Variants in DNER observed in about 807,000 individuals in gnomAD.
DNER encodes the protein delta and Notch-like epidermal growth factor-related receptor.
Under a neutral mutation model 78.2 loss-of-function variants are expected in DNER, and 33 were observed. The observed-to-expected ratio is 0.42, with a 90% confidence interval of 0.32 to 0.56. The LOEUF (loss-of-function observed/expected upper bound fraction) is 0.56, where lower values mean the gene tolerates loss of function less well. Among genes scored for constraint, DNER ranks in the 20% least tolerant of loss-of-function variants. The probability of loss-of-function intolerance (pLI) is 0.11; values close to 1 mark genes in which losing one functional copy is unlikely to be tolerated. For synonymous variants in DNER, 417 were observed against 384.8 expected (o/e 1.08, Z -0.98); for missense variants, 918 against 975.3 (o/e 0.94, Z 0.78).
At chr2:229,424,090 C>T (rs948135636) in intron 8 of DNER, among the ~76,000 whole-genome samples, 3 of 152,178 alleles carry the variant, frequency 2.0e-5, no homozygotes, top group Non-Finnish European at 4.4e-5. Flanking sequence ...TGATTCGATG[C>T]ACTTTTAAAA....
chr2:229,417,196 G>A (rs1409251267), intron 9 of DNER, among the ~76,000 whole-genome samples: 1 of 152,162 alleles, frequency 6.6e-6, no homozygotes, highest in Non-Finnish European at 1.5e-5. Context: ...ACAAGGCCAT[G>A]AGACTTGCCA....
intron 3 of DNER, 135 bp downstream of exon 3, chr2:229,588,259 G>A (rs1363474288): frequency 4.7e-5 from 34 of 721,588 alleles, no homozygotes; most frequent in Non-Finnish European, 1.4e-5. Flanking sequence ...AATGGCAGGG[G>A]CCACATCTAC....
At chr2:229,570,545 T>G (rs554637200) in intron 4 of DNER, among the ~76,000 whole-genome samples, 1 of 151,502 alleles carries the variant, frequency 6.6e-6, no homozygotes, top group African/African-American at 2.4e-5. Flanking sequence ...GAGAATCCTT[T>G]GAACCTGGGA....
intron 5 of DNER, among the ~76,000 whole-genome samples, chr2:229,516,275 A>T (rs1171644322): frequency 6.6e-6 from 1 of 152,198 alleles, no homozygotes; most frequent in Non-Finnish European, 1.5e-5. Context: ...TAGTTTTAAG[A>T]CTGCTGACTT....
At chr2:229,393,421 G>T (rs151021576) in intron 10 of DNER, among the ~76,000 whole-genome samples, 1 of 150,914 alleles carries the variant, frequency 6.6e-6, no homozygotes, top group South Asian at 2.1e-4. Context: ...GTGAGACTCC[G>T]TCTCAAAAAA....
chr2:229,483,175 T>TA (rs1433997259), intron 6 of DNER, among the ~76,000 whole-genome samples: 1 of 152,174 alleles, frequency 6.6e-6, no homozygotes, highest in Non-Finnish European at 1.5e-5. Flanking sequence ...TGCCCAGGAC[T>TA]CCTGAGACAG....
At chr2:229,504,600 A>G (rs1695696475) in intron 6 of DNER, among the ~76,000 whole-genome samples, 1 of 152,232 alleles carries the variant, frequency 6.6e-6, no homozygotes, top group African/African-American at 2.4e-5. Context: ...TCCCTTTTAA[A>G]CATCAGCCCC....
intron 1 of DNER, among the ~76,000 whole-genome samples, chr2:229,648,407 A>G (rs192553812): frequency 1.0e-3 from 157 of 152,356 alleles, no homozygotes; most frequent in African/African-American, 3.6e-3. Flanking sequence ...AACTCAAAGC[A>G]TATACTATCC....
intron 1 of DNER, among the ~76,000 whole-genome samples, chr2:229,654,837 T>C (rs1341338799): frequency 2.0e-5 from 3 of 152,216 alleles, no homozygotes; most frequent in Non-Finnish European, 4.4e-5. Context: ...ATTAATGATA[T>C]GCTCATTAAT....
At chr2:229,515,891 C>G (rs1695961386) in intron 5 of DNER, among the ~76,000 whole-genome samples, 2 of 152,136 alleles carry the variant, frequency 1.3e-5, no homozygotes, top group South Asian at 2.1e-4. Flanking sequence ...ATCCTCCCGC[C>G]TCGGCCTCCC....
chr2:229,517,522 G>A (rs1290982457), intron 5 of DNER, among the ~76,000 whole-genome samples: 1 of 152,200 alleles, frequency 6.6e-6, no homozygotes, highest in Non-Finnish European at 1.5e-5. Flanking sequence ...CAGGTGAGGG[G>A]AACAGCCAGT....
At chr2:229,385,856 G>C (rs905832069) in intron 11 of DNER, among the ~76,000 whole-genome samples, 4 of 152,082 alleles carry the variant, frequency 2.6e-5, no homozygotes, top group Non-Finnish European at 5.9e-5. Flanking sequence ...TCATGCTCAT[G>C]GATAGGAAGA....
intron 6 of DNER, among the ~76,000 whole-genome samples, chr2:229,488,339 C>T (rs991908215): frequency 2.0e-5 from 3 of 152,152 alleles, no homozygotes; most frequent in Non-Finnish European, 4.4e-5. Flanking sequence ...TGCATGTCTG[C>T]GTGCATGTGT....
At chr2:229,497,121 T>C (rs1695517780) in intron 6 of DNER, among the ~76,000 whole-genome samples, 1 of 152,164 alleles carries the variant, frequency 6.6e-6, no homozygotes, top group Admixed American at 6.5e-5. Flanking sequence ...TACAATGATA[T>C]GAAAGTAGAA....
chr2:229,499,661 T>A (rs1295707983), intron 6 of DNER, among the ~76,000 whole-genome samples: 2 of 150,050 alleles, frequency 1.3e-5, no homozygotes, highest in African/African-American at 4.9e-5. Context: ...GTCTGTGCAA[T>A]GATTTTTTTT....
At chr2:229,641,956 G>A (rs756842972) in intron 1 of DNER, among the ~76,000 whole-genome samples, 12 of 152,160 alleles carry the variant, frequency 7.9e-5, no homozygotes, top group East Asian at 7.7e-4. Context: ...TATAACATTA[G>A]GGTGTCAGGA....
intron 6 of DNER, among the ~76,000 whole-genome samples, chr2:229,506,144 A>G (rs909046559): frequency 6.6e-6 from 1 of 151,586 alleles, no homozygotes; most frequent in Non-Finnish European, 1.5e-5. Context: ...AAAACTGGGT[A>G]ATTTATAAAG....
intron 4 of DNER, among the ~76,000 whole-genome samples, chr2:229,576,508 T>C (rs947881472): frequency 5.9e-5 from 9 of 152,104 alleles, no homozygotes; most frequent in African/African-American, 1.9e-4. Flanking sequence ...CAGAATAACT[T>C]TTACATAGGA....
In DNER at chr2:229,714,121, C is replaced by G. The variant is rs1248550677; in HGVS notation, c.276+27G>C. ...GGCTGCTGGTCCCGGACCAGCGCCC[C>G]GCACCGCGCCCGCCGCTTCCACTCA... is the stretch of plus-strand genomic sequence containing the variant. On this transcript the variant is annotated intron_variant, in intron 1 of 12. Transcript: ENST00000341772. The G allele has an allele frequency of 2.3e-5, 29 of 1,281,764 alleles. No homozygotes were observed. In the South Asian group the frequency reaches 5.3e-4, roughly 23 times the overall value. 79.4% of individuals were successfully genotyped at this position (1,281,764 alleles called of 1,614,324 possible).
Sources: gnomAD v4.1 joint callset for allele counts (sites outside exome capture counted in the v4.1 genomes callset) on GRCh38, gnomAD v4.1.1 for gene constraint, MANE v1.5 for transcripts, NCBI Gene and HGNC (gene_info 2026-07-23, HGNC 2026-07-21) for gene names.